KIZ: variants seen among roughly 807,000 people sequenced by gnomAD.
The protein encoded by KIZ is kizuna centrosomal protein.
In KIZ, 68 loss-of-function variants were observed where a neutral mutation model predicts 79.6. The observed-to-expected ratio is 0.85, with a 90% CI of 0.70 to 1.05. The LOEUF (loss-of-function observed/expected upper bound fraction) is 1.05. KIZ is among the 50% of genes least tolerant of loss of function. KIZ has a pLI of 0.00. For synonymous variants in KIZ, 280 were observed against 281.8 expected (o/e 0.99, Z 0.06); for missense variants, 797 against 800.4 (o/e 1.00, Z 0.05).
chr20:21,235,154 G>A (rs546537144), intron 11 of KIZ, among the ~76,000 whole-genome samples: 34 of 152,194 alleles, frequency 2.2e-4, no homozygotes, highest in African/African-American at 6.5e-4. Context: ...CTTAATAAGC[G>A]TTACAGATTA....
chr20:21,140,697 G>A (rs1225887364), intron 3 of KIZ, among the ~76,000 whole-genome samples: 2 of 152,086 alleles, frequency 1.3e-5, no homozygotes, highest in African/African-American at 4.8e-5. Flanking sequence ...TAAATATTAG[G>A]TCTGGGCATG....
chr20:21,224,754 C>T (rs1048674989), intron 9 of KIZ, among the ~76,000 whole-genome samples: 6 of 152,126 alleles, frequency 3.9e-5, no homozygotes, highest in African/African-American at 1.4e-4. Context: ...GTTTGTCTGG[C>T]TCTTGTAATG....
intron 7 of KIZ, among the ~76,000 whole-genome samples, chr20:21,211,530 G>A (rs2036067002): frequency 6.6e-6 from 1 of 152,178 alleles, no homozygotes; most frequent in African/African-American, 2.4e-5. Flanking sequence ...TCAATCATAA[G>A]CACTATCAGA....
intron 7 of KIZ, among the ~76,000 whole-genome samples, chr20:21,209,856 A>G (rs2035994794): frequency 1.4e-5 from 1 of 69,082 alleles, no homozygotes; most frequent in African/African-American, 7.4e-5. Flanking sequence ...AGATGCATTT[A>G]CATTCATTTT....
At chr20:21,140,541 C>G (rs1186827560) in intron 3 of KIZ, among the ~76,000 whole-genome samples, 1 of 152,142 alleles carries the variant, frequency 6.6e-6, no homozygotes, top group Non-Finnish European at 1.5e-5. Flanking sequence ...TTTTATGACT[C>G]ATAATACTTT....
rs2033743251 is a variant in KIZ, at chr20:21,162,860, T to C, written c.1053T>C (p.Ala351=). 1 of 1,612,450 alleles carries C rather than the reference T, an allele frequency of 6.2e-7. No homozygotes were observed. The highest frequency in any genetic ancestry group is 1.3e-5 in the African/African-American group (1 of 74,830). Residue 351 remains alanine (A), a synonymous_variant, in exon 6 of 13, where the codon GCT becomes GCC. Transcript: ENST00000619189. ...SPWEGVSDHL[A]HREPKSQKPF... is the part of the protein sequence containing the mutation. ...TGTCGCCACTTGCAGATCATCTTGC[T>C]CACAGGGAACCAAAGTCACAAAAGC...
intron 6 of KIZ, among the ~76,000 whole-genome samples, chr20:21,192,871 C>T (rs1462915440): frequency 2.0e-5 from 3 of 152,132 alleles, no homozygotes; most frequent in African/African-American, 7.2e-5. Flanking sequence ...GCAGAGTAGA[C>T]AGTGGTTTGT....
At chr20:21,228,601 C>T (rs1250553469) in intron 9 of KIZ, among the ~76,000 whole-genome samples, 1 of 152,206 alleles carries the variant, frequency 6.6e-6, no homozygotes, top group African/African-American at 2.4e-5. Context: ...CCCAGAGCCC[C>T]TGCACTTGAG....
At chr20:21,232,391 G>A (rs965966812) in intron 10 of KIZ, among the ~76,000 whole-genome samples, 2 of 152,180 alleles carry the variant, frequency 1.3e-5, no homozygotes, top group African/African-American at 4.8e-5. Flanking sequence ...TTTGCTGCCC[G>A]TGTGTTATAA....
intron 12 of KIZ, chr20:21,246,171 A>T: frequency 3.1e-6 from 1 of 320,886 alleles, no homozygotes; most frequent in Non-Finnish European, 5.7e-6. Flanking sequence ...ACCCCAGGGA[A>T]CCCTGCTTCC....
intron 3 of KIZ, among the ~76,000 whole-genome samples, chr20:21,142,193 C>G (rs1433670856): frequency 6.6e-6 from 1 of 152,140 alleles, no homozygotes; most frequent in African/African-American, 2.4e-5. Context: ...ACCACATTAT[C>G]TCATACCTCC....
At chr20:21,168,933 C>T (rs564205085) in intron 6 of KIZ, among the ~76,000 whole-genome samples, 4 of 152,220 alleles carry the variant, frequency 2.6e-5, no homozygotes, top group African/African-American at 9.6e-5. Flanking sequence ...AAAATTAATT[C>T]AAGATGGATT....
At position 21,231,656 on chromosome 20, in the gene KIZ, A is replaced by G. The variant is rs887392235; in HGVS notation, c.1784-1078A>G. ...TGTTTTGTCTTTTACCCTTACTCTC[A>G]TTCTGATCCTAAGGACTTATCTGAG... On this transcript the variant is annotated intron_variant, in intron 10 of 12. Coordinates refer to ENST00000619189, the MANE Select transcript of KIZ (RefSeq NM_018474.6). Among the ~76,000 whole-genome samples the G allele has an allele frequency of 8.9e-4, 135 of 152,086 alleles. 1 individual carries two copies. The highest frequency in any genetic ancestry group is 1.6e-3 in the Non-Finnish European group (109 of 68,026).
intron 6 of KIZ, among the ~76,000 whole-genome samples, chr20:21,170,423 C>CT (rs1439375643): frequency 6.7e-6 from 1 of 149,014 alleles, no homozygotes; most frequent in African/African-American, 2.5e-5. Flanking sequence ...GAGTCTCTCT[C>CT]TGTCGCCCAG....
intron 6 of KIZ, among the ~76,000 whole-genome samples, chr20:21,181,958 T>C (rs1465576867): frequency 6.6e-6 from 1 of 152,204 alleles, no homozygotes; most frequent in East Asian, 1.9e-4. Flanking sequence ...GTACTGCCCA[T>C]CACTTTTGTT....
chr20:21,242,365 C>T (rs184845194), intron 11 of KIZ, among the ~76,000 whole-genome samples: 11 of 152,208 alleles, frequency 7.2e-5, no homozygotes, highest in South Asian at 4.2e-4. Context: ...GGAAGTGGAG[C>T]GACCAGATTT....
rs1455830231 is a variant in KIZ at position 21,229,211 on chromosome 20, TTTG to T, written c.1783+97_1783+99del. 9.9e-6 allele frequency: 7 copies of T among 705,936 alleles called. No individual in the cohort carries two copies. The African/African-American group carries it at 1.3e-4, about 13-fold the overall frequency. The allele number at this position is 705,936 out of a possible 1,614,324, so 43.7% of individuals were successfully genotyped here. On this transcript the variant is annotated intron_variant, in intron 10 of 12. Coordinates refer to ENST00000619189, the MANE Select transcript of KIZ (RefSeq NM_018474.6). ...TTATTCTTTATGAAGGTTTCTGGAGTTTGCTCTGTAACGAGCTGTCACCAGGAC... is the reference window on the plus strand; with the variant it reads ...TTATTCTTTATGAAGGTTTCTGGAGTCTCTGTAACGAGCTGTCACCAGGAC...
intron 7 of KIZ, among the ~76,000 whole-genome samples, chr20:21,207,517 T>G (rs2035880869): frequency 7.8e-6 from 1 of 127,838 alleles, no homozygotes; most frequent in Non-Finnish European, 1.6e-5. Flanking sequence ...ACCCACCTTC[T>G]CTCTCTTCTG....
chr20:21,182,522 G>A (rs1001615392), intron 6 of KIZ, among the ~76,000 whole-genome samples: 1 of 152,118 alleles, frequency 6.6e-6, no homozygotes, highest in Non-Finnish European at 1.5e-5. Context: ...AAGGCCAGGC[G>A]CAGTGGCTCA....
Sources: gnomAD v4.1 joint callset for allele counts (sites outside exome capture counted in the v4.1 genomes callset) on GRCh38, gnomAD v4.1.1 for gene constraint, MANE v1.5 for transcripts, NCBI Gene and HGNC (gene_info 2026-07-23, HGNC 2026-07-21) for gene names.